Variants in SIPA1L3 observed in about 807,000 individuals in gnomAD.
SIPA1L3 encodes signal-induced proliferation-associated 1-like protein 3.
In SIPA1L3, 59 loss-of-function variants were observed where a neutral mutation model predicts 150.1. That is an observed-to-expected ratio of 0.39 (90% confidence interval 0.32 to 0.49). The LOEUF (loss-of-function observed/expected upper bound fraction) is 0.49, where lower values mean the gene tolerates loss of function less well. Among genes scored for constraint, SIPA1L3 ranks in the 20% least tolerant of loss-of-function variants. The pLI is 0.86. For synonymous variants in SIPA1L3, 1,070 were observed against 1,077.6 expected, an observed-to-expected ratio of 0.99 and a Z score of 0.14; for missense variants, 2,211 against 2,489.5, an observed-to-expected ratio of 0.89 and a Z score of 2.38.
chr19:37,944,377 C>T (rs1424940821), intron 1 of SIPA1L3, among the ~76,000 whole-genome samples: 1 of 152,024 alleles, frequency 6.6e-6, no homozygotes, highest in Non-Finnish European at 1.5e-5. Flanking sequence ...GTGCACACTT[C>T]CAGGTCTTGG....
intron 1 of SIPA1L3, among the ~76,000 whole-genome samples, chr19:37,924,391 A>ACCTG (rs150395200): frequency 6.8e-6 from 1 of 146,876 alleles, no homozygotes; most frequent in African/African-American, 2.5e-5. Flanking sequence ...CTCCTGAAGG[A>ACCTG]CCTGCCTGAG....
At chr19:38,078,580 G>A (rs1450724005) in intron 2 of SIPA1L3, among the ~76,000 whole-genome samples, 7 of 145,986 alleles carry the variant, frequency 4.8e-5, no homozygotes, top group Non-Finnish European at 9.1e-5. Flanking sequence ...ACAGAGACAC[G>A]CACACACACA....
At chr19:38,201,452 C>T (rs1050300604) in intron 19 of SIPA1L3, among the ~76,000 whole-genome samples, 1 of 152,208 alleles carries the variant, frequency 6.6e-6, no homozygotes, top group East Asian at 1.9e-4. Context: ...AATTGTATAA[C>T]GAATCCCCGT....
At position 38,176,166 on chromosome 19, in the gene SIPA1L3, C is replaced by T. The variant is rs1024015622; in HGVS notation, c.4209-6353C>T. 4.8e-4 allele frequency among the ~76,000 whole-genome samples: 71 copies of T among 148,342 alleles called. 1 individual carries two copies. Among genetic ancestry groups the T allele is most frequent in the Non-Finnish European group, 4.4e-5 (3 of 67,700 alleles). ...CTGGGATTACAGGTGCACACCGTCA[C>T]ACTTGGCTAATTTTTTTTTTTTTTC... is the stretch of plus-strand genomic sequence containing the variant. On this transcript the variant is annotated intron_variant, in intron 15 of 21. Transcript: ENST00000222345.
intron 15 of SIPA1L3, among the ~76,000 whole-genome samples, chr19:38,171,604 G>A (rs973540171): frequency 2.6e-5 from 4 of 151,750 alleles, no homozygotes; most frequent in Non-Finnish European, 4.4e-5. Flanking sequence ...TGTTGGCCAG[G>A]CTGGTCTCGA....
chr19:38,162,115 TACTG>T, intron 13 of SIPA1L3, 134 bp from the exon 14 acceptor site: 1 of 709,080 alleles, frequency 1.4e-6, no homozygotes. Flanking sequence ...TATTCTCTGT[TACTG>T]AGTGTTGCAC....
chr19:38,138,469 G>A (rs1471148962), intron 10 of SIPA1L3, among the ~76,000 whole-genome samples: 2 of 152,134 alleles, frequency 1.3e-5, no homozygotes, highest in African/African-American at 4.8e-5. Context: ...ACTAGGAGAT[G>A]GGACAGCATT....
At chr19:37,932,187 C>G (rs1409756393) in intron 1 of SIPA1L3, among the ~76,000 whole-genome samples, 2 of 152,208 alleles carry the variant, frequency 1.3e-5, no homozygotes, top group Non-Finnish European at 2.9e-5. Context: ...GGCGCAAGCT[C>G]AGGGCAGGGG....
intron 1 of SIPA1L3, among the ~76,000 whole-genome samples, chr19:37,944,145 G>GC (rs1023399047): frequency 2.0e-5 from 3 of 152,094 alleles, no homozygotes; most frequent in Admixed American, 1.3e-4. Context: ...AGGTGCAGAG[G>GC]CATGCGCCTG....
At chr19:38,095,627 GA>G (rs1970361254) in intron 4 of SIPA1L3, among the ~76,000 whole-genome samples, 2 of 152,196 alleles carry the variant, frequency 1.3e-5, no homozygotes, top group African/African-American at 4.8e-5. Context: ...GCTGTAGAAA[GA>G]ATGGACTGGG....
intron 18 of SIPA1L3, among the ~76,000 whole-genome samples, chr19:38,196,548 C>T (rs1972950477): frequency 6.7e-6 from 1 of 149,794 alleles, no homozygotes; most frequent in Admixed American, 6.6e-5. Context: ...GCAAGGAGGT[C>T]AAGGGCGGAG....
intron 20 of SIPA1L3, among the ~76,000 whole-genome samples, chr19:38,203,332 C>T (rs573600240): frequency 1.3e-5 from 2 of 152,306 alleles, no homozygotes; most frequent in South Asian, 4.1e-4. Context: ...CAAGACTCAG[C>T]AGCAAGGTTG....
At chr19:37,955,107 A>T (rs2046798072) in intron 1 of SIPA1L3, among the ~76,000 whole-genome samples, 1 of 150,622 alleles carries the variant, frequency 6.6e-6, no homozygotes, top group Non-Finnish European at 1.5e-5. Flanking sequence ...AAAAAAAAAA[A>T]AAGGCCAGGC....
chr19:38,033,218 A>C (rs1474189418), intron 2 of SIPA1L3, among the ~76,000 whole-genome samples: 4 of 152,238 alleles, frequency 2.6e-5, no homozygotes, highest in African/African-American at 7.2e-5. Flanking sequence ...AAGGAAAGTG[A>C]AAAATTTTTT....
intron 6 of SIPA1L3, among the ~76,000 whole-genome samples, chr19:38,102,403 C>G (rs1970526821): frequency 6.6e-6 from 1 of 151,756 alleles, no homozygotes; most frequent in East Asian, 1.9e-4. Context: ...GTCTCAAACA[C>G]AAGGCCTCCA....
chr19:37,979,706 C>G (rs575021920), intron 1 of SIPA1L3, among the ~76,000 whole-genome samples: 54 of 152,314 alleles, frequency 3.5e-4, no homozygotes, highest in Non-Finnish European at 7.2e-4. Flanking sequence ...ACCCACCCCC[C>G]AAACCTACAA....
At chr19:38,064,115 G>A (rs1969515305) in intron 2 of SIPA1L3, among the ~76,000 whole-genome samples, 1 of 152,238 alleles carries the variant, frequency 6.6e-6, no homozygotes, top group Non-Finnish European at 1.5e-5. Flanking sequence ...TTCCACTTCT[G>A]CATTTCAAAG....
chr19:38,032,433 T>A (rs1408447479), intron 2 of SIPA1L3, among the ~76,000 whole-genome samples: 2 of 152,306 alleles, frequency 1.3e-5, no homozygotes, highest in African/African-American at 4.8e-5. Flanking sequence ...AAATATGCAT[T>A]TGAGCACCTA....
chr19:38,203,250 C>G (rs1226956805), intron 20 of SIPA1L3, among the ~76,000 whole-genome samples: 1 of 152,192 alleles, frequency 6.6e-6, no homozygotes. Context: ...TGGGAAGCAG[C>G]GGGACCTGTG....
Sources: gnomAD v4.1 joint callset for allele counts (sites outside exome capture counted in the v4.1 genomes callset) on GRCh38, gnomAD v4.1.1 for gene constraint, MANE v1.5 for transcripts, NCBI Gene and HGNC (gene_info 2026-07-23, HGNC 2026-07-21) for gene names.